IL1RAPL2: variants seen among roughly 807,000 people sequenced by gnomAD.
The protein encoded by IL1RAPL2 is interleukin 1 receptor accessory protein like 2, also known as X-linked interleukin-1 receptor accessory protein-like 2.
Under a neutral mutation model 44.1 loss-of-function variants are expected in IL1RAPL2, and 3 were observed. That is an observed-to-expected ratio of 0.07 (90% CI 0.03 to 0.18). IL1RAPL2 has a LOEUF of 0.18. Among genes scored for constraint, IL1RAPL2 ranks in the 10% least tolerant of loss-of-function variants. The probability of loss-of-function intolerance (pLI) is 1.00; values close to 1 mark genes in which losing one functional copy is unlikely to be tolerated. For synonymous variants in IL1RAPL2, 181 were observed against 178.8 expected (o/e 1.01, Z -0.10); for missense variants, 391 against 496.4 (o/e 0.79, Z 2.02).
chrX:105,459,770 C>T (rs1381968943), intron 5 of IL1RAPL2, among the ~76,000 whole-genome samples: 1 of 111,319 alleles, frequency 9.0e-6, no homozygotes, highest in Non-Finnish European at 1.9e-5. Context: ...TTTTATTATC[C>T]AAGTCCTTTA....
intron 4 of IL1RAPL2, among the ~76,000 whole-genome samples, chrX:105,248,700 C>G (rs1328678980): frequency 9.0e-6 from 1 of 111,202 alleles, no homozygotes; most frequent in Non-Finnish European, 1.9e-5. Flanking sequence ...ATAGACATTT[C>G]TCAAAAGAAG....
Position 105,636,427 on chromosome X carries a change from G to A in IL1RAPL2, c.773-80940G>A, listed in dbSNP as rs749218210. On this transcript the variant is annotated intron_variant, in intron 6 of 10. Transcript: ENST00000372582. ...TTATAAGTAATGAATGAATTAAGGT[G>A]CCAGCGTATTAGATAATGATATAAT... 2.2e-4 allele frequency among the ~76,000 whole-genome samples: 24 copies of A among 111,547 alleles called. No homozygotes were observed. The East Asian group carries it at 6.2e-3, about 29-fold the overall frequency.
chrX:104,841,378 C>T (rs1921897769), intron 2 of IL1RAPL2, among the ~76,000 whole-genome samples: 3 of 111,729 alleles, frequency 2.7e-5, no homozygotes, highest in South Asian at 7.4e-4. Context: ...GGGCTTTTAG[C>T]CCATTTACAT....
At chrX:105,534,610 T>C (rs2036664564) in intron 6 of IL1RAPL2, among the ~76,000 whole-genome samples, 1 of 111,859 alleles carries the variant, frequency 8.9e-6, no homozygotes. Flanking sequence ...TAAGACTTAC[T>C]CTACAGCAAT....
intron 2 of IL1RAPL2, among the ~76,000 whole-genome samples, chrX:104,814,159 C>G (rs1232714230): frequency 1.8e-5 from 2 of 111,576 alleles, no homozygotes; most frequent in Non-Finnish European, 3.8e-5. Context: ...GAATGCACCT[C>G]TGCAGACATC....
chrX:105,051,326 A>G (rs2031921501), intron 2 of IL1RAPL2, among the ~76,000 whole-genome samples: 1 of 112,397 alleles, frequency 8.9e-6, no homozygotes, highest in Admixed American at 9.3e-5. Context: ...CAGGCTGCAG[A>G]GATGCACAGG....
chrX:105,268,488 G>A (rs192314940), intron 5 of IL1RAPL2, among the ~76,000 whole-genome samples: 15 of 110,862 alleles, frequency 1.4e-4, no homozygotes, highest in Admixed American at 5.8e-4. Flanking sequence ...TGAGGCCAGC[G>A]CAGTGGTTCA....
At chrX:105,213,407 G>A (rs1015722425) in intron 3 of IL1RAPL2, among the ~76,000 whole-genome samples, 1 of 108,561 alleles carries the variant, frequency 9.2e-6, no homozygotes, top group Non-Finnish European at 1.9e-5. Context: ...CTGAAATAAG[G>A]CATGAAGACA....
intron 2 of IL1RAPL2, among the ~76,000 whole-genome samples, chrX:104,901,641 T>C (rs1175715645): frequency 9.0e-6 from 1 of 110,974 alleles, no homozygotes; most frequent in Non-Finnish European, 1.9e-5. Context: ...ACTCCCATAG[T>C]GATGTGTTAG....
At chrX:105,155,528 G>C (rs1462673823) in intron 2 of IL1RAPL2, among the ~76,000 whole-genome samples, 3 of 110,826 alleles carry the variant, frequency 2.7e-5, no homozygotes, top group African/African-American at 9.9e-5. Flanking sequence ...GGGATCCTTG[G>C]ATACCAGGCA....
intron 2 of IL1RAPL2, among the ~76,000 whole-genome samples, chrX:104,761,919 TTCTC>T (rs1339441151): frequency 1.4e-4 from 5 of 34,647 alleles, no homozygotes; most frequent in Admixed American, 3.2e-4. Context: ...CTCCTTCTCC[TTCTC>T]CTTCTTCTTC....
chrX:105,513,073 C>G (rs1195870919), intron 6 of IL1RAPL2, among the ~76,000 whole-genome samples: 2 of 111,019 alleles, frequency 1.8e-5, no homozygotes, highest in Non-Finnish European at 3.8e-5. Flanking sequence ...CCAGCTTGAT[C>G]CATGTCCCTG....
At chrX:105,359,284 T>C (rs2035230670) in intron 5 of IL1RAPL2, among the ~76,000 whole-genome samples, 1 of 111,333 alleles carries the variant, frequency 9.0e-6, no homozygotes, top group South Asian at 3.8e-4. Context: ...TAGAGGAGAA[T>C]TGACATATAT....
At chrX:104,798,263 G>A (rs1036689683) in intron 2 of IL1RAPL2, among the ~76,000 whole-genome samples, 2 of 110,812 alleles carry the variant, frequency 1.8e-5, no homozygotes, top group Admixed American at 9.6e-5. Context: ...CACCTGCATC[G>A]CCAGAGTCAG....
At chrX:104,653,850 C>A (rs1325452807) in intron 1 of IL1RAPL2, among the ~76,000 whole-genome samples, 1 of 111,289 alleles carries the variant, frequency 9.0e-6, no homozygotes, top group Non-Finnish European at 1.9e-5. Context: ...AGGTTTTCTT[C>A]CATTCATTAT....
At chrX:105,522,269 G>A (rs1323102119) in intron 6 of IL1RAPL2, among the ~76,000 whole-genome samples, 2 of 112,082 alleles carry the variant, frequency 1.8e-5, no homozygotes, top group East Asian at 5.6e-4. Flanking sequence ...TCATGGCTAT[G>A]TTAGTACTTT....
intron 2 of IL1RAPL2, among the ~76,000 whole-genome samples, chrX:104,954,659 C>T (rs1038044230): frequency 4.5e-5 from 5 of 112,002 alleles, no homozygotes; most frequent in Non-Finnish European, 9.4e-5. Flanking sequence ...GCTTCAGCCT[C>T]GCAAGTAGCT....
Position 105,447,763 on chromosome X carries a change from AAT to A in IL1RAPL2, c.698-36542_698-36541del, listed in dbSNP as rs2035979950. Reference sequence around the variant, plus strand: ...AATATGTTATACATATAAATATGTAAATATATATAAATATATTAAAAATATAT... The same window carrying A: ...AATATGTTATACATATAAATATGTAAATATATAAATATATTAAAAATATAT... On this transcript the variant is annotated intron_variant, in intron 5 of 10. Coordinates refer to ENST00000372582, the MANE Select transcript of IL1RAPL2 (RefSeq NM_017416.2). Among the ~76,000 whole-genome samples, 8 of 86,379 alleles carry A rather than the reference AAT, an allele frequency of 9.3e-5. No individual in the cohort carries two copies. In the South Asian group the frequency reaches 3.1e-3, roughly 34 times the overall value. 75.0% of individuals were successfully genotyped at this position (86,379 alleles called of 115,157 possible). A position where few individuals can be genotyped will look rare whatever the true frequency, so the allele number is the denominator to read the frequency against.
intron 3 of IL1RAPL2, chrX:105,220,332 G>C: frequency 8.3e-7 from 1 of 1,207,903 alleles, no homozygotes; most frequent in Non-Finnish European, 1.1e-6. Context: ...CCATTTTCTC[G>C]TTGATGAAGG....
Sources: gnomAD v4.1 joint callset for allele counts (sites outside exome capture counted in the v4.1 genomes callset) on GRCh38, gnomAD v4.1.1 for gene constraint, MANE v1.5 for transcripts, NCBI Gene and HGNC (gene_info 2026-07-23, HGNC 2026-07-21) for gene names.